Variants in SNAP23 observed in about 807,000 individuals in gnomAD.
SNAP23 encodes the protein synaptosomal-associated protein 23.
In SNAP23, 11 loss-of-function variants were observed where a neutral mutation model predicts 29.0. The observed-to-expected ratio is 0.38, with a 90% CI of 0.24 to 0.63. The LOEUF is 0.63. Among genes scored for constraint, SNAP23 ranks in the 20% least tolerant of loss-of-function variants. SNAP23 has a pLI of 0.58. For synonymous variants in SNAP23, 60 were observed against 82.9 expected (o/e 0.72, Z 1.50); for missense variants, 220 against 253.9 (o/e 0.87, Z 0.91).
intron 5 of SNAP23, among the ~76,000 whole-genome samples, chr15:42,525,608 C>T (rs1049090805): frequency 6.6e-6 from 1 of 150,972 alleles, no homozygotes; most frequent in South Asian, 2.1e-4. Context: ...GGACTGCATT[C>T]GAGCGCCACC....
chr15:42,502,541 A>AAAGC (rs1253173800), intron 1 of SNAP23, among the ~76,000 whole-genome samples: 1 of 152,102 alleles, frequency 6.6e-6, no homozygotes, highest in African/African-American at 2.4e-5. Flanking sequence ...ATAAATAAAT[A>AAAGC]AAGCATCTAA....
chr15:42,508,253 G>T (rs2057330100), intron 1 of SNAP23, among the ~76,000 whole-genome samples: 1 of 142,452 alleles, frequency 7.0e-6, no homozygotes, highest in African/African-American at 2.8e-5. Context: ...ACAGAGTGAA[G>T]CCTTGCCTCA....
intron 5 of SNAP23, among the ~76,000 whole-genome samples, chr15:42,520,741 G>A (rs905523643): frequency 8.4e-4 from 127 of 151,570 alleles, no homozygotes; most frequent in African/African-American, 3.0e-3. Context: ...TGATCCGCCC[G>A]CCTTGGCCTC....
chr15:42,494,638 C>A (rs2057201134), upstream of SNAP23, among the ~76,000 whole-genome samples: 1 of 152,008 alleles, frequency 6.6e-6, no homozygotes, highest in South Asian at 2.1e-4. Context: ...GCCTCAGCCT[C>A]CCGACTAGCT....
chr15:42,531,076 CAGAGAAG>C (rs2057560249), intron 7 of SNAP23, among the ~76,000 whole-genome samples: 1 of 152,174 alleles, frequency 6.6e-6, no homozygotes, highest in Non-Finnish European at 1.5e-5. Context: ...AGATCTTTAA[CAGAGAAG>C]AGCACTCTTT....
intron 5 of SNAP23, among the ~76,000 whole-genome samples, chr15:42,524,834 A>G (rs1329119353): frequency 6.6e-6 from 1 of 152,228 alleles, no homozygotes; most frequent in Non-Finnish European, 1.5e-5. Context: ...CAGCTATCTG[A>G]CAATGCCTTA....
chr15:42,525,665 T>C (rs928429726), intron 5 of SNAP23, among the ~76,000 whole-genome samples: 3 of 151,434 alleles, frequency 2.0e-5, no homozygotes, highest in Admixed American at 6.6e-5. Context: ...GGTTTCACCA[T>C]GTTGGCCAGG....
intron 5 of SNAP23, chr15:42,521,428 T>A (rs1039104856): frequency 1.5e-5 from 15 of 978,142 alleles, no homozygotes; most frequent in Non-Finnish European, 1.8e-5. Context: ...AATAGTTTTC[T>A]TATTTTTCTT....
chr15:42,530,646 A>C lies in SNAP23; in HGVS notation c.571-767A>C, dbSNP rs374033543. Among the ~76,000 whole-genome samples the C allele has an allele frequency of 3.0e-4, 45 of 152,282 alleles. No homozygotes were observed. In the East Asian group the frequency reaches 8.1e-3, roughly 27 times the overall value. On this transcript the variant is annotated intron_variant, in intron 7 of 7. Coordinates refer to ENST00000249647, the MANE Select transcript of SNAP23 (RefSeq NM_003825.4). ...GTGCCTATTGTCCCAGTTACTCGGG[A>C]GGCTGAGGCAGAAGGATTGCTTGAG...
Position 42,529,842 on chromosome 15 carries a change from A to G in SNAP23, c.570+23A>G, listed in dbSNP as rs372798632. The G allele has an allele frequency of 9.3e-6, 15 of 1,608,972 alleles. No individual in the cohort carries two copies. The African/African-American group carries it at 1.9e-4, about 20-fold the overall frequency. ...AAGGTAAAAGCTTTTTATTGCCACAAGAAAATGAGACACCCAGTTCAGTGT... is the reference window on the plus strand; with the variant it reads ...AAGGTAAAAGCTTTTTATTGCCACAGGAAAATGAGACACCCAGTTCAGTGT... On this transcript the variant is annotated intron_variant, in intron 7 of 7. Transcript: ENST00000249647.
At chr15:42,503,923 A>C (rs180923309) in intron 1 of SNAP23, among the ~76,000 whole-genome samples, 1 of 152,304 alleles carries the variant, frequency 6.6e-6, no homozygotes, top group Non-Finnish European at 1.5e-5. Flanking sequence ...ATATGTATGT[A>C]TATTTGCATA....
upstream of SNAP23, chr15:42,492,698 A>AAAAAG (rs1378367273): frequency 1.3e-5 from 2 of 150,866 alleles, no homozygotes; most frequent in Non-Finnish European, 1.5e-5. Flanking sequence ...AAAAAAAAAA[A>AAAAAG]AGAGAGAGAA....
chr15:42,524,542 G>T (rs2057479597), intron 5 of SNAP23, among the ~76,000 whole-genome samples: 1 of 152,176 alleles, frequency 6.6e-6, no homozygotes, highest in African/African-American at 2.4e-5. Context: ...GCGAGATCTA[G>T]TTGTACGCTC....
intron 5 of SNAP23, among the ~76,000 whole-genome samples, chr15:42,522,716 TAA>T (rs10553237): frequency 0.2 from 20,835 of 104,804 alleles, 2,232 homozygotes; most frequent in African/African-American, 0.37. Context: ...CAACCAAAAC[TAA>T]AAAAAAAAAA....
In SNAP23 at chr15:42,502,172, C is replaced by T. The variant is rs980949230; in HGVS notation, c.-15+6459C>T. Among the ~76,000 whole-genome samples the T allele has an allele frequency of 9.2e-5, 14 of 151,716 alleles. No homozygotes were observed. The South Asian group carries it at 1.5e-3, about 16-fold the overall frequency. On this transcript the variant is annotated intron_variant, in intron 1 of 7. Transcript: ENST00000249647. ...CCTCCTGAGTAGCTGGGACTACAGG[C>T]GCCCACTACCACGCCCGGCTAATTT...
At chr15:42,529,947 TGAG>T (rs1381370398) in intron 7 of SNAP23, 128 bp downstream of exon 7, 1 of 1,003,262 alleles carries the variant, frequency 1.0e-6, no homozygotes, top group Non-Finnish European at 1.4e-6. Context: ...TTAATTCTGA[TGAG>T]GTGGTGGTTC....
intron 1 of SNAP23, among the ~76,000 whole-genome samples, chr15:42,502,589 G>A (rs572163833): frequency 1.3e-3 from 193 of 152,210 alleles, no homozygotes; most frequent in African/African-American, 4.5e-3. Flanking sequence ...GGATGGTTTC[G>A]GTGAATATTT....
chr15:42,532,395 A>C lies in SNAP23; in HGVS notation c.*917A>C, dbSNP rs2057575132. On this transcript the variant is annotated 3_prime_UTR_variant, in exon 8 of 8. Coordinates refer to ENST00000249647, the MANE Select transcript of SNAP23 (RefSeq NM_003825.4). ...CCACTGTGCCTGGCTGAGTTTTCTTAAAGTGAGCTTAATTTCTGAACTCTT... is the reference window on the plus strand; with the variant it reads ...CCACTGTGCCTGGCTGAGTTTTCTTCAAGTGAGCTTAATTTCTGAACTCTT... 2 of 152,212 alleles carry C rather than the reference A, an allele frequency of 1.3e-5. No homozygotes were observed. The highest frequency in any genetic ancestry group is 1.3e-4 in the Admixed American group (2 of 15,280). 9.4% of individuals were successfully genotyped at this position (152,212 alleles called of 1,614,324 possible).
intron 5 of SNAP23, among the ~76,000 whole-genome samples, chr15:42,524,891 T>C (rs116906882): frequency 1.3e-5 from 2 of 152,304 alleles, no homozygotes; most frequent in East Asian, 3.9e-4. Context: ...TGATGGCCAG[T>C]AACAGGGTCT....
Sources: allele counts gnomAD v4.1 joint callset (sites outside exome capture counted in the v4.1 genomes callset), GRCh38; gene constraint gnomAD v4.1.1; transcripts MANE v1.5; gene names NCBI Gene and HGNC (gene_info 2026-07-23, HGNC 2026-07-21).